Variants in ARB2A observed in about 807,000 individuals in gnomAD.
ARB2A encodes ARB2 cotranscriptional regulator A.
chr5:93,972,166 C>G, the ARB2A span, among the ~76,000 whole-genome samples: 6 of 152,070 alleles, frequency 3.9e-5, no homozygotes, highest in Non-Finnish European at 8.8e-5. Flanking sequence ...GGGGAGGGTG[C>G]TTTTCATGCT....
chr5:93,655,705 A>G, the ARB2A span, among the ~76,000 whole-genome samples: 2 of 152,140 alleles, frequency 1.3e-5, no homozygotes, highest in African/African-American at 2.4e-5. Flanking sequence ...CAGTACAAAG[A>G]CTGTATATTG....
the ARB2A span, among the ~76,000 whole-genome samples, chr5:93,896,989 C>T: frequency 1.3e-5 from 2 of 151,946 alleles, no homozygotes; most frequent in East Asian, 1.9e-4. Context: ...AGTCTATCAG[C>T]GCTTGCATAC....
the ARB2A span, among the ~76,000 whole-genome samples, chr5:93,842,448 G>A: frequency 2.6e-4 from 39 of 152,218 alleles, no homozygotes; most frequent in South Asian, 7.9e-3. Context: ...AGCATAGGAT[G>A]GCAGATTCAA....
At chr5:93,869,607 A>G in the ARB2A span, among the ~76,000 whole-genome samples, 24 of 152,306 alleles carry the variant, frequency 1.6e-4, no homozygotes, top group Non-Finnish European at 2.5e-4. Context: ...GATGGCCTGA[A>G]GCAACTGAAG....
the ARB2A span, among the ~76,000 whole-genome samples, chr5:93,932,201 T>G: frequency 6.6e-6 from 1 of 152,028 alleles, no homozygotes; most frequent in African/African-American, 2.4e-5. Flanking sequence ...TATTGGTTCA[T>G]GAGAATTTGC....
At chr5:93,880,547 T>C in the ARB2A span, among the ~76,000 whole-genome samples, 4 of 151,750 alleles carry the variant, frequency 2.6e-5, no homozygotes, top group Non-Finnish European at 5.9e-5. Context: ...TGTTTAAATG[T>C]TCTGAATTGC....
At chr5:93,939,698 C>T in the ARB2A span, among the ~76,000 whole-genome samples, 16,006 of 152,022 alleles carry the variant, frequency 0.11, 972 homozygotes, top group Middle Eastern at 0.16. Flanking sequence ...TGAGACCTTC[C>T]TACAAATATT....
chr5:93,773,227 A>G, the ARB2A span, among the ~76,000 whole-genome samples: 2 of 152,160 alleles, frequency 1.3e-5, no homozygotes, highest in African/African-American at 2.4e-5. Flanking sequence ...CATAATAATA[A>G]TTCCTTTGAA....
At chr5:93,964,599 T>G in the ARB2A span, 2 of 920,264 alleles carry the variant, frequency 2.2e-6, no homozygotes, top group South Asian at 3.2e-5. Context: ...TGGTAAATTG[T>G]TGCAAGTTAT....
the ARB2A span, among the ~76,000 whole-genome samples, chr5:93,887,130 T>C: frequency 2.0e-5 from 3 of 151,488 alleles, no homozygotes; most frequent in Admixed American, 6.6e-5. Context: ...AAAGGTTATA[T>C]GGTAGAGTCA....
the ARB2A span, among the ~76,000 whole-genome samples, chr5:93,810,952 T>C: frequency 1.3e-5 from 2 of 152,156 alleles, no homozygotes. Context: ...GATAATAATG[T>C]AGTTACATCA....
At chr5:94,076,279 TA>T in the ARB2A span, among the ~76,000 whole-genome samples, 11 of 152,236 alleles carry the variant, frequency 7.2e-5, no homozygotes, top group Non-Finnish European at 8.8e-5. Flanking sequence ...CTAAAAGGAA[TA>T]CCTAGAATGT....
At chr5:94,047,453 AGGCGCCT>A in the ARB2A span, among the ~76,000 whole-genome samples, 13,524 of 149,526 alleles carry the variant, frequency 0.09, 760 homozygotes, top group Middle Eastern at 0.16. Flanking sequence ...GGGTGAGCTG[AGGCGCCT>A]GGCGCCTGGG....
At chr5:93,932,511 A>C in the ARB2A span, among the ~76,000 whole-genome samples, 1 of 152,214 alleles carries the variant, frequency 6.6e-6, no homozygotes, top group South Asian at 2.1e-4. Context: ...TTTATCTATA[A>C]GTAGACAAAT....
the ARB2A span, among the ~76,000 whole-genome samples, chr5:93,763,687 A>C: frequency 2.6e-5 from 4 of 152,176 alleles, no homozygotes; most frequent in East Asian, 5.8e-4. Flanking sequence ...CAGCTCTGCA[A>C]CAAGCAGACC....
the ARB2A span, among the ~76,000 whole-genome samples, chr5:94,013,528 T>C: frequency 3.3e-5 from 5 of 152,152 alleles, no homozygotes; most frequent in African/African-American, 1.2e-4. Context: ...TTCTGTTAGT[T>C]ACTGGTTTCT....
At chr5:93,683,201 T>A in the ARB2A span, 8 of 1,324,414 alleles carry the variant, frequency 6.0e-6, no homozygotes, top group Admixed American at 8.4e-5. Flanking sequence ...ATCATCTTCA[T>A]CATCATCCTC....
the ARB2A span, among the ~76,000 whole-genome samples, chr5:93,851,600 C>A: frequency 7.2e-5 from 11 of 152,180 alleles, no homozygotes; most frequent in African/African-American, 1.7e-4. Context: ...CTATCCCTCC[C>A]CGCTTCCGCC....
At chr5:94,064,413 G>GTTAGAA in the ARB2A span, among the ~76,000 whole-genome samples, 1 of 152,150 alleles carries the variant, frequency 6.6e-6, no homozygotes, top group East Asian at 1.9e-4. Context: ...AAACAAAAGG[G>GTTAGAA]TTAGAAACCC....
Sources: allele counts gnomAD v4.1 joint callset (sites outside exome capture counted in the v4.1 genomes callset), GRCh38; gene constraint gnomAD v4.1.1; transcripts MANE v1.5; gene names NCBI Gene and HGNC (gene_info 2026-07-23, HGNC 2026-07-21).